Variants in APP observed in about 807,000 individuals in gnomAD.
APP encodes amyloid beta precursor protein.
In APP, 31 loss-of-function variants were observed where a neutral mutation model predicts 101.4. The observed-to-expected ratio is 0.31, with a 90% CI of 0.23 to 0.41. The LOEUF is 0.41. APP is among the 10% of genes least tolerant of loss of function. The pLI is 1.00. For missense variants in APP, 839 were observed against 1,003.7 expected (o/e 0.84, Z 2.22); for synonymous variants, 366 against 364.4 (o/e 1.00, Z -0.05).
intron 8 of APP, among the ~76,000 whole-genome samples, chr21:25,990,025 T>G (rs553275203): frequency 5.9e-5 from 9 of 152,250 alleles, no homozygotes; most frequent in African/African-American, 2.2e-4. Flanking sequence ...AAGTCCAAGA[T>G]AGAGGAGCCA....
chr21:25,985,152 G>A (rs2042590379), intron 8 of APP, among the ~76,000 whole-genome samples: 1 of 152,142 alleles, frequency 6.6e-6, no homozygotes, highest in African/African-American at 2.4e-5. Context: ...ATAGGACTGA[G>A]GATATTAAAA....
At chr21:26,042,166 T>C (rs1454779239) in intron 5 of APP, among the ~76,000 whole-genome samples, 3 of 152,236 alleles carry the variant, frequency 2.0e-5, no homozygotes, top group African/African-American at 7.2e-5. Context: ...TTTCTCAAAA[T>C]GCAATGCAGA....
chr21:26,007,378 GATT>G (rs1272145677), intron 6 of APP, among the ~76,000 whole-genome samples: 5 of 145,774 alleles, frequency 3.4e-5, no homozygotes, highest in African/African-American at 9.9e-5. Flanking sequence ...TAATATATTA[GATT>G]ATAATATATT....
At chr21:26,001,648 C>T (rs898380191) in intron 6 of APP, among the ~76,000 whole-genome samples, 2 of 152,148 alleles carry the variant, frequency 1.3e-5, no homozygotes, top group African/African-American at 4.8e-5. Context: ...ACCCTTGTAC[C>T]AGCACGCCTG....
intron 11 of APP, among the ~76,000 whole-genome samples, chr21:25,965,182 C>T (rs1258184872): frequency 6.6e-6 from 1 of 152,184 alleles, no homozygotes; most frequent in Non-Finnish European, 1.5e-5. Flanking sequence ...AACAGTGAAA[C>T]ATGTGTACAC....
chr21:25,935,340 A>AT (rs1050482825), intron 13 of APP: 6 of 152,182 alleles, frequency 3.9e-5, no homozygotes, highest in Non-Finnish European at 7.4e-5. Context: ...TTTTCATTTT[A>AT]TTCTTGTGTA....
intron 13 of APP, among the ~76,000 whole-genome samples, chr21:25,925,166 A>C (rs1429615427): frequency 5.7e-3 from 1 of 176 alleles, no homozygotes; most frequent in Non-Finnish European, 0.011. Flanking sequence ...GGCCCACTGT[A>C]AATCAAGCGG....
At chr21:26,009,439 A>G (rs1182679624) in intron 6 of APP, among the ~76,000 whole-genome samples, 1 of 152,172 alleles carries the variant, frequency 6.6e-6, no homozygotes. Flanking sequence ...CTATTGAAAT[A>G]CCAGACTTCT....
Position 26,152,284 on chromosome 21 carries a change from C to CAAAAAAAAAAA in APP, c.57+18269_57+18279dup, listed in dbSNP as rs1161739630. 1.7e-4 allele frequency among the ~76,000 whole-genome samples: 6 copies of CAAAAAAAAAAA among 36,174 alleles called. 1 individual carries two copies. Among genetic ancestry groups the CAAAAAAAAAAA allele is most frequent in the African/African-American group, 5.9e-4 (4 of 6,820 alleles). The allele number at this position is 36,174 out of a possible 152,430, so 23.7% of individuals were successfully genotyped here. On this transcript the variant is annotated intron_variant, in intron 1 of 17. Coordinates refer to ENST00000346798, the MANE Select transcript of APP (RefSeq NM_000484.4). Reference sequence around the variant, plus strand: ...TGGGCGACAGAGCAAGACTCCATCTCAAAAAAAAAAAAAAAAAAAAAAATG... The same window carrying CAAAAAAAAAAA: ...TGGGCGACAGAGCAAGACTCCATCTCAAAAAAAAAAAAAAAAAAAAAAAAAAAAAAAAAATG...
chr21:25,893,655 A>G (rs1421427098), intron 16 of APP, among the ~76,000 whole-genome samples: 4 of 152,226 alleles, frequency 2.6e-5, no homozygotes, highest in African/African-American at 7.2e-5. Flanking sequence ...AGAGAGGTGA[A>G]GAAGCTGCAG....
chr21:26,131,769 C>T (rs1176381191), intron 1 of APP, among the ~76,000 whole-genome samples: 1 of 152,128 alleles, frequency 6.6e-6, no homozygotes, highest in Non-Finnish European at 1.5e-5. Flanking sequence ...ATCTATTGCA[C>T]AATATGACTG....
At chr21:26,050,382 G>A (rs1448884490) in intron 5 of APP, among the ~76,000 whole-genome samples, 2 of 152,140 alleles carry the variant, frequency 1.3e-5, no homozygotes, top group Non-Finnish European at 2.9e-5. Flanking sequence ...GAATATAGAT[G>A]TTTGCCTTCA....
In APP at chr21:26,052,295, TC is replaced by T. The variant is rs375944880; in HGVS notation, c.468+940del. On this transcript the variant is annotated intron_variant, in intron 4 of 17. Coordinates refer to ENST00000346798, the MANE Select transcript of APP (RefSeq NM_000484.4). ...AGGATGTTTAGCAGAATCTCTGGCC[TC>T]TGGGCACTATCAGATGCCAGTAACA... Among the ~76,000 whole-genome samples the T allele has an allele frequency of 3.5e-3, 540 of 152,276 alleles. 2 individuals carry two copies. The highest frequency in any genetic ancestry group is 0.012 in the African/African-American group (497 of 41,542).
intron 1 of APP, among the ~76,000 whole-genome samples, chr21:26,146,420 T>G (rs960944755): frequency 6.6e-6 from 1 of 152,262 alleles, no homozygotes. Flanking sequence ...CTGTTTTACT[T>G]TGCATTTCCC....
rs138676290 is a variant in APP, at chr21:26,136,169, A to AAAAGAAAG, written c.58-24031_58-24024dup. On this transcript the variant is annotated intron_variant, in intron 1 of 17. Transcript: ENST00000346798. Reference sequence around the variant, plus strand: ...GAAAAGAAAAGAAAAGAAAAGAAAGAAAAGAAAGAAAGAAAGAAAGAAAGA... The same window carrying AAAAGAAAG: ...GAAAAGAAAAGAAAAGAAAAGAAAGAAAAGAAAGAAAGAAAGAAAGAAAGAAAGAAAGA... Among the ~76,000 whole-genome samples, 181 of 92,012 alleles carry AAAAGAAAG rather than the reference A, an allele frequency of 2.0e-3. 11 individuals are homozygous for AAAAGAAAG. Among genetic ancestry groups the AAAAGAAAG allele is most frequent in the Middle Eastern group, 4.3e-3 (1 of 230 alleles). 60.4% of individuals were successfully genotyped at this position (92,012 alleles called of 152,430 possible).
Position 26,078,745 on chromosome 21 carries a change from T to TA in APP, c.355+11197dup, listed in dbSNP as rs567205911. Among the ~76,000 whole-genome samples, 61 of 152,112 alleles carry TA rather than the reference T, an allele frequency of 4.0e-4. No homozygotes were observed. The South Asian group carries it at 5.6e-3, about 14-fold the overall frequency. ...AAAGTTATTTACTGGCTTGAATGGT[T>TA]AAAAAAAACATCAAACTCGGCAGGG... On this transcript the variant is annotated intron_variant, in intron 3 of 17. Transcript: ENST00000346798.
chr21:26,006,006 T>A (rs1223930642), intron 6 of APP, among the ~76,000 whole-genome samples: 1 of 152,206 alleles, frequency 6.6e-6, no homozygotes, highest in Non-Finnish European at 1.5e-5. Flanking sequence ...AAACTCTTCA[T>A]CTGCCTTCTT....
intron 11 of APP, among the ~76,000 whole-genome samples, chr21:25,969,907 A>AGGGGG (rs2041954762): frequency 1.0e-5 from 1 of 97,086 alleles, no homozygotes; most frequent in African/African-American, 4.3e-5. Context: ...AGAAGAGAAG[A>AGGGGG]GGGGAGGGGA....
intron 7 of APP, 76 bp downstream of exon 7, chr21:25,999,939 A>G: frequency 6.6e-7 from 1 of 1,526,098 alleles, no homozygotes; most frequent in Admixed American, 1.8e-5. Context: ...AACCAGGAAA[A>G]TCAATCTGTT....
Sources: gnomAD v4.1 joint callset for allele counts (sites outside exome capture counted in the v4.1 genomes callset) on GRCh38, gnomAD v4.1.1 for gene constraint, MANE v1.5 for transcripts, NCBI Gene and HGNC (gene_info 2026-07-23, HGNC 2026-07-21) for gene names.